Variants in ADAM23 observed in about 807,000 individuals in gnomAD.
The protein encoded by ADAM23 is disintegrin and metalloproteinase domain-containing protein 23.
In ADAM23, 33 loss-of-function variants were observed where a neutral mutation model predicts 120.1. The observed-to-expected ratio is 0.27, with a 90% confidence interval of 0.21 to 0.37. The LOEUF (loss-of-function observed/expected upper bound fraction) is 0.37. Ranked by LOEUF, ADAM23 falls within the 10% of genes least tolerant of loss-of-function variation. The pLI, the probability that ADAM23 is intolerant of heterozygous loss-of-function variation, is 1.00. For missense variants in ADAM23, 862 were observed against 1,058.2 expected (o/e 0.81, Z 2.57); for synonymous variants, 367 against 375.2 (o/e 0.98, Z 0.25).
intron 18 of ADAM23, among the ~76,000 whole-genome samples, chr2:206,573,698 C>T (rs1358192609): frequency 1.3e-5 from 2 of 152,038 alleles, no homozygotes; most frequent in African/African-American, 4.8e-5. Context: ...AGTAACATCA[C>T]CCAGATAACT....
intron 18 of ADAM23, among the ~76,000 whole-genome samples, chr2:206,573,944 A>T (rs998668064): frequency 5.3e-5 from 8 of 152,070 alleles, no homozygotes; most frequent in Non-Finnish European, 1.2e-4. Flanking sequence ...TCATTAACAG[A>T]GTTTTTGCTT....
At position 206,563,428 on chromosome 2, in the gene ADAM23, C is replaced by G. The variant is rs10190715; in HGVS notation, c.1345+1135C>G. ...ACATTAAGATAGTCATCACAAGTGT[C>G]TGGTGGCATTTCACAAACCTCCGCA... On this transcript the variant is annotated intron_variant, in intron 13 of 25. Transcript: ENST00000264377. Among the ~76,000 whole-genome samples the G allele has an allele frequency of 6.3e-3, 961 of 152,304 alleles. 12 individuals are homozygous for G. The highest frequency in any genetic ancestry group is 0.022 in the African/African-American group (917 of 41,572).
At chr2:206,476,570 A>C (rs889108957) in intron 2 of ADAM23, among the ~76,000 whole-genome samples, 3 of 152,194 alleles carry the variant, frequency 2.0e-5, no homozygotes, top group Non-Finnish European at 4.4e-5. Context: ...CCTTATGAGA[A>C]TCTAATGCCT....
At chr2:206,535,752 T>C (rs1466836157) in intron 4 of ADAM23, among the ~76,000 whole-genome samples, 2 of 152,124 alleles carry the variant, frequency 1.3e-5, no homozygotes, top group South Asian at 2.1e-4. Context: ...ATGTCCAGAA[T>C]AGGCAAATTC....
intron 3 of ADAM23, among the ~76,000 whole-genome samples, chr2:206,504,140 A>T (rs1162071028): frequency 1.3e-5 from 2 of 152,178 alleles, no homozygotes; most frequent in Non-Finnish European, 2.9e-5. Flanking sequence ...TAATCTTTAT[A>T]TATCTTTAAT....
chr2:206,542,114 G>A lies in ADAM23; in HGVS notation c.636G>A (p.Leu212=). The A allele has an allele frequency of 6.2e-7, 1 of 1,614,154 alleles. No individual in the cohort carries two copies. Among genetic ancestry groups the A allele is most frequent in the Non-Finnish European group, 8.5e-7 (1 of 1,179,996 alleles). Reference sequence around the variant, plus strand: ...GCGTCAAAGACTCCAAGGTGGCTCTGTCAACCTGCAATGGACTTCAGTAAG... The same window carrying A: ...GCGTCAAAGACTCCAAGGTGGCTCTATCAACCTGCAATGGACTTCAGTAAG... ...IRGVKDSKVA[L]STCNGLHGMF... is the part of the protein sequence containing the mutation. Residue 212 remains leucine (L), a synonymous_variant, in exon 5 of 26, where the codon CTG becomes CTA. Transcript: ENST00000264377.
At chr2:206,560,367 G>T (rs940860561) in intron 11 of ADAM23, among the ~76,000 whole-genome samples, 45 of 151,986 alleles carry the variant, frequency 3.0e-4, no homozygotes, top group African/African-American at 1.1e-3. Context: ...AATCTAGGAT[G>T]CCTGCTGGCC....
intron 3 of ADAM23, among the ~76,000 whole-genome samples, chr2:206,506,811 T>C (rs754025316): frequency 6.6e-6 from 1 of 152,222 alleles, no homozygotes; most frequent in Non-Finnish European, 1.5e-5. Context: ...AGCAGGTGTG[T>C]AGTCATGTCC....
intron 3 of ADAM23, among the ~76,000 whole-genome samples, chr2:206,529,886 A>G (rs1280614321): frequency 1.3e-5 from 2 of 151,750 alleles, no homozygotes; most frequent in Non-Finnish European, 2.9e-5. Context: ...ATCTCGGCTC[A>G]CTGCAACCTC....
At chr2:206,551,675 T>G (rs1697528383) in intron 9 of ADAM23, among the ~76,000 whole-genome samples, 1 of 152,180 alleles carries the variant, frequency 6.6e-6, no homozygotes, top group African/African-American at 2.4e-5. Flanking sequence ...TAGCTGGCCC[T>G]ACTCAGAGAA....
intron 2 of ADAM23, among the ~76,000 whole-genome samples, chr2:206,452,867 C>A (rs959087365): frequency 2.0e-5 from 3 of 152,224 alleles, no homozygotes; most frequent in African/African-American, 7.2e-5. Context: ...TAAGTCTTGA[C>A]GTGTCTCCCA....
At chr2:206,454,629 G>A (rs1330093785) in intron 2 of ADAM23, among the ~76,000 whole-genome samples, 2 of 152,192 alleles carry the variant, frequency 1.3e-5, no homozygotes, top group Non-Finnish European at 2.9e-5. Context: ...TTCTACCTGT[G>A]AGTCTGTAAA....
intron 2 of ADAM23, among the ~76,000 whole-genome samples, chr2:206,449,539 G>A (rs1377582321): frequency 2.6e-5 from 4 of 152,132 alleles, no homozygotes; most frequent in African/African-American, 7.2e-5. Flanking sequence ...AGGCTGAGGC[G>A]GTTGGATCAC....
chr2:206,515,919 C>A (rs991200824), intron 3 of ADAM23, among the ~76,000 whole-genome samples: 1 of 151,848 alleles, frequency 6.6e-6, no homozygotes, highest in South Asian at 2.1e-4. Context: ...TTGTCTCATA[C>A]TCAAAATTTT....
intron 18 of ADAM23, among the ~76,000 whole-genome samples, chr2:206,573,459 T>C (rs986017689): frequency 6.6e-6 from 1 of 152,190 alleles, no homozygotes; most frequent in African/African-American, 2.4e-5. Flanking sequence ...AAAGTTTCTG[T>C]ACATTGAACC....
intron 24 of ADAM23, among the ~76,000 whole-genome samples, chr2:206,606,925 C>T (rs1234355060): frequency 6.6e-6 from 1 of 152,170 alleles, no homozygotes; most frequent in African/African-American, 2.4e-5. Flanking sequence ...ATCTTTGACT[C>T]ACCCATCCCA....
chr2:206,600,002 C>T (rs1698607488), intron 24 of ADAM23, among the ~76,000 whole-genome samples: 1 of 152,170 alleles, frequency 6.6e-6, no homozygotes, highest in Non-Finnish European at 1.5e-5. Flanking sequence ...GAGATCGAGA[C>T]CATCCTGGCT....
chr2:206,477,550 G>A (rs1559225079), intron 2 of ADAM23, among the ~76,000 whole-genome samples: 1 of 151,966 alleles, frequency 6.6e-6, no homozygotes, highest in Non-Finnish European at 1.5e-5. Flanking sequence ...TAAAAGCAAG[G>A]CTGTTTAACA....
intron 3 of ADAM23, among the ~76,000 whole-genome samples, chr2:206,506,277 A>G (rs1301406605): frequency 2.0e-5 from 3 of 152,190 alleles, no homozygotes; most frequent in African/African-American, 7.2e-5. Flanking sequence ...TATTTAAGCA[A>G]CTTTTGCAGA....
Sources: gnomAD v4.1 joint callset for allele counts (sites outside exome capture counted in the v4.1 genomes callset) on GRCh38, gnomAD v4.1.1 for gene constraint, MANE v1.5 for transcripts, NCBI Gene and HGNC (gene_info 2026-07-23, HGNC 2026-07-21) for gene names.